TRPM5: variants seen among roughly 807,000 people sequenced by gnomAD.
The protein encoded by TRPM5 is transient receptor potential cation channel subfamily M member 5.
In TRPM5, 121 loss-of-function variants were observed where a neutral mutation model predicts 124.9. That is an observed-to-expected ratio of 0.97 (90% CI 0.84 to 1.13). The LOEUF is 1.13. TRPM5 is among the 50% of genes most tolerant of loss of function. TRPM5 has a pLI of 0.00. For missense variants in TRPM5, 1,643 were observed against 1,589.1 expected (o/e 1.03, Z -0.58); for synonymous variants, 781 against 700.5 (o/e 1.11, Z -1.81).
At chr11:2,416,078 G>C in intron 7 of TRPM5, 54 bp from the exon 13 acceptor site, 1 of 1,391,760 alleles carries the variant, frequency 7.2e-7, no homozygotes, top group South Asian at 1.2e-5. Flanking sequence ...GCCTCACAGA[G>C]CCGGGGCACA....
chr11:2,415,546 GGA>G (rs1301619791), intron 8 of TRPM5, 75 bp from the exon 14 acceptor site: 2 of 1,038,138 alleles, frequency 1.9e-6, no homozygotes, highest in Non-Finnish European at 2.8e-6. Flanking sequence ...GTCCAAGGAA[GGA>G]GAGAGCAGGG....
rs76609502 is a variant in TRPM5, at chr11:2,410,063, G to A, written c.2782+1289C>T. Reference sequence around the variant, plus strand: ...TCCTGCCCCGAGGGGCCCTGCGGACGGGCAGTGCTGGAGGCCGTATGGTGA... The same window carrying A: ...TCCTGCCCCGAGGGGCCCTGCGGACAGGCAGTGCTGGAGGCCGTATGGTGA... On this transcript the variant is annotated intron_variant, in intron 18 of 23. Coordinates refer to ENST00000155858, the Ensembl canonical transcript of TRPM5. Among the ~76,000 whole-genome samples the A allele has an allele frequency of 4.2e-3, 635 of 152,336 alleles. 2 individuals are homozygous for A. The highest frequency in any genetic ancestry group is 0.012 in the African/African-American group (494 of 41,578).
chr11:2,432,626 C>T, the TRPM5 span, among the ~76,000 whole-genome samples: 3 of 152,342 alleles, frequency 2.0e-5, no homozygotes, highest in East Asian at 1.9e-4. Context: ...CAGGCAGCCT[C>T]CCCCCAGGCA....
intron 19 of TRPM5, 146 bp downstream of exon 24, chr11:2,407,613 G>A (rs942705315): frequency 9.0e-7 from 1 of 1,107,448 alleles, no homozygotes; most frequent in African/African-American, 1.6e-5. Flanking sequence ...CTGCAGTCCA[G>A]GCTATGCCAC....
chr11:2,421,177 G>A (rs1006595190), exon 3 of TRPM5: 2 of 1,540,884 alleles, frequency 1.3e-6, no homozygotes, highest in Non-Finnish European at 1.7e-6. Context: ...CACGCGGAGG[G>A]CACTGGTCAG....
intron 3 of TRPM5, among the ~76,000 whole-genome samples, 200 bp from the exon 9 acceptor site, chr11:2,420,605 G>A (rs774994253): frequency 1.3e-5 from 2 of 152,242 alleles, no homozygotes; most frequent in Non-Finnish European, 2.9e-5. Context: ...TCGACAGTCA[G>A]GGGCAGGGGC....
exon 9 of TRPM5, chr11:2,415,198 G>T (rs539036580): frequency 2.5e-6 from 4 of 1,583,184 alleles, no homozygotes. Context: ...TTGAGTACGC[G>T]GGAGACCTCG....
rs778933845 is a variant in TRPM5, at chr11:2,415,478, G to C, written c.1129-7C>G. The stretch of plus-strand genomic sequence containing the variant: ...CCTCCTCCAGGTCACAGGACTTGGC[G>C]GCCATGGGCACCCGAGGGAAGGGGG... On this transcript the variant is annotated splice_region_variant and splice_polypyrimidine_tract_variant and intron_variant, in intron 8 of 23. Coordinates refer to ENST00000155858, the Ensembl canonical transcript of TRPM5. 4.6e-5 allele frequency: 71 copies of C among 1,543,994 alleles called. No individual in the cohort carries two copies. Among genetic ancestry groups the C allele is most frequent in the Admixed American group, 1.8e-5 (1 of 54,224 alleles).
chr11:2,421,247 C>T (rs1367978997), intron 2 of TRPM5, 49 bp from the exon 8 acceptor site: 1 of 1,511,278 alleles, frequency 6.6e-7, no homozygotes, highest in East Asian at 2.5e-5. Context: ...CCAGGTCTTC[C>T]CTAGCTGGCC....
intron 20 of TRPM5, 30 bp downstream of exon 25, chr11:2,407,089 C>T (rs773726062): frequency 2.9e-6 from 3 of 1,041,232 alleles, no homozygotes; most frequent in African/African-American, 1.5e-5. Flanking sequence ...TCGGCCTCAC[C>T]CAGGTGCTCC....
chr11:2,407,730 T>G, intron 19 of TRPM5, 29 bp downstream of exon 24: 5 of 1,610,922 alleles, frequency 3.1e-6, no homozygotes, highest in Non-Finnish European at 4.2e-6. Flanking sequence ...GCTCCAGGGC[T>G]CTCTCCTCCA....
intron 18 of TRPM5, among the ~76,000 whole-genome samples, chr11:2,410,205 G>A (rs1370557023): frequency 6.6e-6 from 1 of 152,222 alleles, no homozygotes; most frequent in Non-Finnish European, 1.5e-5. Flanking sequence ...TGAGAAAACA[G>A]CCCAAGGAAA....
chr11:2,444,469 C>G, the TRPM5 span, among the ~76,000 whole-genome samples: 2 of 150,718 alleles, frequency 1.3e-5, no homozygotes, highest in Non-Finnish European at 3.0e-5. Flanking sequence ...TCCTCCGGGC[C>G]AGGCAGAGCA....
chr11:2,406,191 G>A (rs1850320550), intron 21 of TRPM5, 100 bp from the exon 27 acceptor site: 2 of 1,327,640 alleles, frequency 1.5e-6, no homozygotes, highest in Middle Eastern at 3.8e-4. Flanking sequence ...GCCCGAGTTT[G>A]GGGTGCCCTG....
the TRPM5 span, among the ~76,000 whole-genome samples, chr11:2,436,966 G>A: frequency 1.3e-5 from 2 of 152,148 alleles, no homozygotes; most frequent in Non-Finnish European, 2.9e-5. Context: ...AGTGAGTGTG[G>A]GTGTGTGACC....
chr11:2,414,613 G>A (rs752479764), intron 11 of TRPM5, 102 bp downstream of exon 16: 32 of 1,409,320 alleles, frequency 2.3e-5, no homozygotes, highest in African/African-American at 8.7e-5. Context: ...GGAGCCCCAC[G>A]GCGGTAACAG....
chr11:2,405,116 C>CCTGA, intron 23 of TRPM5, 73 bp from the exon 29 acceptor site: 1 of 1,340,660 alleles, frequency 7.5e-7, no homozygotes, highest in South Asian at 1.2e-5. Flanking sequence ...AGGTAGCTGG[C>CCTGA]TCAGAGGCAA....
chr11:2,420,684 G>A (rs1294758460), intron 3 of TRPM5, among the ~76,000 whole-genome samples: 2 of 152,206 alleles, frequency 1.3e-5, no homozygotes, highest in Admixed American at 6.5e-5. Flanking sequence ...CCTCCTTCCC[G>A]ACTCTAGGGC....
At chr11:2,407,123 G>A (rs146472801) in exon 20 of TRPM5, 3 of 1,589,718 alleles carry the variant, frequency 1.9e-6, no homozygotes, top group African/African-American at 2.7e-5. Context: ...CCTCACCCAG[G>A]TGCTCCCGCT....
Sources: gnomAD v4.1 joint callset for allele counts (sites outside exome capture counted in the v4.1 genomes callset) on GRCh38, gnomAD v4.1.1 for gene constraint, MANE v1.5 for transcripts, NCBI Gene and HGNC (gene_info 2026-07-23, HGNC 2026-07-21) for gene names.